The following CADM2 variants were observed in gnomAD, a reference collection of about 807,000 sequenced individuals.
CADM2 encodes the protein immunoglobulin superfamily member 4D.
In CADM2, 12 loss-of-function variants were observed where a neutral mutation model predicts 49.8. The ratio of observed to expected loss-of-function variants is 0.24; its 90% CI spans 0.15 to 0.39. The LOEUF (loss-of-function observed/expected upper bound fraction) is 0.39. CADM2 is among the 10% of genes least tolerant of loss of function. CADM2 has a pLI of 1.00. For synonymous variants in CADM2, 214 were observed against 175.4 expected, an observed-to-expected ratio of 1.22 and a Z score of -1.74; for missense variants, 378 against 492.3, an observed-to-expected ratio of 0.77 and a Z score of 2.20.
chr3:85,194,675 C>T (rs1027415713), intron 1 of CADM2, among the ~76,000 whole-genome samples: 8 of 151,928 alleles, frequency 5.3e-5, no homozygotes, highest in African/African-American at 1.9e-4. Context: ...AGAAAGAAAT[C>T]TATTATTGTT....
chr3:85,675,053 T>C (rs191304946), intron 1 of CADM2, among the ~76,000 whole-genome samples: 83 of 152,312 alleles, frequency 5.4e-4, no homozygotes, highest in Admixed American at 5.2e-3. Flanking sequence ...ATTTGTATTA[T>C]GAAGTATTTG....
chr3:85,748,104 G>C (rs922420823), intron 2 of CADM2, among the ~76,000 whole-genome samples: 1 of 152,054 alleles, frequency 6.6e-6, no homozygotes, highest in Non-Finnish European at 1.5e-5. Flanking sequence ...TTTATAAATT[G>C]AGAACTTTTC....
intron 6 of CADM2, among the ~76,000 whole-genome samples, chr3:85,918,259 T>G (rs1189612400): frequency 6.6e-6 from 1 of 152,186 alleles, no homozygotes; most frequent in East Asian, 1.9e-4. Context: ...CTTCCAGTTT[T>G]TGTCCATTCA....
chr3:85,221,395 C>A (rs79360418), intron 1 of CADM2, among the ~76,000 whole-genome samples: 14,466 of 152,056 alleles, frequency 0.095, 855 homozygotes, highest in African/African-American at 0.16. Context: ...ACTGTAGATG[C>A]TTCATTGTTA....
At chr3:85,153,105 C>T (rs1348288557) in intron 1 of CADM2, among the ~76,000 whole-genome samples, 2 of 152,174 alleles carry the variant, frequency 1.3e-5, no homozygotes, top group African/African-American at 4.8e-5. Flanking sequence ...ATAGGAACAG[C>T]TCCAGTCTCC....
At chr3:85,632,477 CAGATAATTTAGGGAAGAGCCTTTT>C (rs779006204) in intron 1 of CADM2, among the ~76,000 whole-genome samples, 2 of 152,018 alleles carry the variant, frequency 1.3e-5, no homozygotes, top group Non-Finnish European at 2.9e-5. Context: ...GTTTTGTGAC[CAGATAATTTAGGGAAGAGCCTTTT>C]GTTGGCTGAA....
At chr3:85,215,172 G>T (rs184653748) in intron 1 of CADM2, among the ~76,000 whole-genome samples, 3 of 151,770 alleles carry the variant, frequency 2.0e-5, no homozygotes, top group East Asian at 3.9e-4. Context: ...TTAATAAGTA[G>T]CTAATGAATC....
intron 1 of CADM2, among the ~76,000 whole-genome samples, chr3:85,636,389 G>C (rs1381923985): frequency 6.6e-6 from 1 of 151,906 alleles, no homozygotes; most frequent in Non-Finnish European, 1.5e-5. Context: ...TATAAAATAA[G>C]GATATAAAGA....
chr3:85,661,807 C>A (rs1462886459), intron 1 of CADM2, among the ~76,000 whole-genome samples: 2 of 151,916 alleles, frequency 1.3e-5, no homozygotes, highest in Non-Finnish European at 2.9e-5. Context: ...GATTTATAGA[C>A]CTTCCAAAAC....
chr3:85,930,189 C>A (rs1306082747), intron 6 of CADM2, among the ~76,000 whole-genome samples: 1 of 152,078 alleles, frequency 6.6e-6, no homozygotes, highest in East Asian at 1.9e-4. Context: ...ACATGTAGTA[C>A]TTGCATTAAA....
chr3:85,002,438 T>G (rs530683939), intron 1 of CADM2, among the ~76,000 whole-genome samples: 1 of 152,218 alleles, frequency 6.6e-6, no homozygotes, highest in South Asian at 2.1e-4. Context: ...AATTGGAGTC[T>G]GTTTCACTTT....
intron 1 of CADM2, among the ~76,000 whole-genome samples, chr3:85,339,478 T>A (rs1017267330): frequency 1.3e-5 from 2 of 151,568 alleles, no homozygotes; most frequent in African/African-American, 4.8e-5. Context: ...CCCAAAGAAA[T>A]AAACTTTATG....
chr3:85,260,135 G>A (rs529916253), intron 1 of CADM2, among the ~76,000 whole-genome samples: 1 of 152,044 alleles, frequency 6.6e-6, no homozygotes, highest in South Asian at 2.1e-4. Context: ...AAACAATGTA[G>A]TTTCCACAAT....
At chr3:85,404,658 T>G (rs1422307438) in intron 1 of CADM2, among the ~76,000 whole-genome samples, 1 of 152,174 alleles carries the variant, frequency 6.6e-6, no homozygotes, top group Non-Finnish European at 1.5e-5. Flanking sequence ...TTGAGTTAAA[T>G]ATGTTTAAAA....
chr3:85,658,576 GTATATATATATATATA>G (rs397990421), intron 1 of CADM2, among the ~76,000 whole-genome samples: 69 of 68,732 alleles, frequency 1.0e-3, no homozygotes, highest in Admixed American at 2.7e-3. Flanking sequence ...GGATATATGT[GTATATATATATATATA>G]TATATATATA....
At chr3:85,266,179 A>G (rs148636144) in intron 1 of CADM2, among the ~76,000 whole-genome samples, 139 of 152,062 alleles carry the variant, frequency 9.1e-4, no homozygotes, top group Admixed American at 3.1e-3. Context: ...GTTTGCGGAT[A>G]AATATGCCAT....
intron 1 of CADM2, among the ~76,000 whole-genome samples, chr3:85,074,382 T>C (rs572631656): frequency 3.9e-5 from 6 of 152,264 alleles, no homozygotes; most frequent in Admixed American, 6.5e-5. Context: ...CCTCTACCTT[T>C]ATCCTGTTCT....
At chr3:85,350,042 C>A (rs187335059) in intron 1 of CADM2, among the ~76,000 whole-genome samples, 35 of 152,230 alleles carry the variant, frequency 2.3e-4, no homozygotes, top group Non-Finnish European at 4.4e-4. Flanking sequence ...CAAGGTATTT[C>A]TGAAATAATA....
chr3:85,642,759 A>T (rs2107556999), intron 1 of CADM2, among the ~76,000 whole-genome samples: 1 of 152,312 alleles, frequency 6.6e-6, no homozygotes. Context: ...TCAGTGCAGT[A>T]CAGTCAAGCA....
Sources: gnomAD v4.1 joint callset for allele counts (sites outside exome capture counted in the v4.1 genomes callset) on GRCh38, gnomAD v4.1.1 for gene constraint, MANE v1.5 for transcripts, NCBI Gene and HGNC (gene_info 2026-07-23, HGNC 2026-07-21) for gene names.